Variants in TMEM132D observed in about 807,000 individuals in gnomAD.
The protein encoded by TMEM132D is transmembrane protein 132D, also known as mature OL transmembrane protein.
Under a neutral mutation model 62.3 loss-of-function variants are expected in TMEM132D, and 21 were observed. The ratio of observed to expected loss-of-function variants is 0.34; its 90% CI spans 0.24 to 0.49. The LOEUF (loss-of-function observed/expected upper bound fraction) is 0.49. TMEM132D is among the 20% of genes least tolerant of loss of function. The pLI is 0.99. For missense variants in TMEM132D, 1,346 were observed against 1,402.8 expected, an observed-to-expected ratio of 0.96 and a Z score of 0.65; for synonymous variants, 621 against 575.6, an observed-to-expected ratio of 1.08 and a Z score of -1.13.
intron 4 of TMEM132D, among the ~76,000 whole-genome samples, chr12:129,246,593 TAA>T (rs1880120641): frequency 6.6e-6 from 1 of 151,956 alleles, no homozygotes; most frequent in African/African-American, 2.4e-5. Context: ...CTGTCTCTTC[TAA>T]AAATACAAAA....
chr12:129,080,534 GAT>G (rs1178175295), intron 7 of TMEM132D, among the ~76,000 whole-genome samples: 3 of 152,304 alleles, frequency 2.0e-5, no homozygotes, highest in South Asian at 2.1e-4. Flanking sequence ...TTCCAGAATG[GAT>G]ATGTTTTAAA....
intron 4 of TMEM132D, among the ~76,000 whole-genome samples, chr12:129,261,795 T>C (rs1406063522): frequency 6.6e-6 from 1 of 152,188 alleles, no homozygotes; most frequent in East Asian, 1.9e-4. Flanking sequence ...GATTAGGGCA[T>C]GCCAGTATGA....
chr12:129,447,066 G>A (rs1873119764), intron 3 of TMEM132D, among the ~76,000 whole-genome samples: 1 of 152,154 alleles, frequency 6.6e-6, no homozygotes, highest in Non-Finnish European at 1.5e-5. Context: ...AGCAGAACCT[G>A]CCCTTCACCA....
rs1879020744 is a variant in TMEM132D, at chr12:129,619,963, TACCCTAACCACG to T, written c.968+79835_968+79846del. 2.0e-5 allele frequency among the ~76,000 whole-genome samples: 3 copies of T among 152,200 alleles called. No homozygotes were observed. In the South Asian group the frequency reaches 6.2e-4, roughly 32 times the overall value. On this transcript the variant is annotated intron_variant, in intron 2 of 8. Coordinates refer to ENST00000422113, the MANE Select transcript of TMEM132D (RefSeq NM_133448.3). ...CAGAATGAGTCCTATTAGGTTACAA[TACCCTAACCACG>T]GCCCAAAGCCACGCAGCCCAGGTCA...
chr12:129,434,872 A>G (rs1162097092), intron 3 of TMEM132D, among the ~76,000 whole-genome samples: 3 of 152,080 alleles, frequency 2.0e-5, no homozygotes, highest in Non-Finnish European at 4.4e-5. Flanking sequence ...CACTATTGTT[A>G]ACTATATCAC....
At chr12:129,600,885 T>C (rs1878465829) in intron 2 of TMEM132D, among the ~76,000 whole-genome samples, 1 of 152,154 alleles carries the variant, frequency 6.6e-6, no homozygotes, top group South Asian at 2.1e-4. Flanking sequence ...TTAAGGGCCC[T>C]AGGAATTTCA....
At chr12:129,114,585 A>G (rs143535064) in intron 5 of TMEM132D, among the ~76,000 whole-genome samples, 12 of 152,312 alleles carry the variant, frequency 7.9e-5, no homozygotes, top group African/African-American at 2.9e-4. Flanking sequence ...ATGACATTTC[A>G]TGAAGCAAAC....
In TMEM132D at chr12:129,581,371, T is replaced by C. The variant is rs191545110; in HGVS notation, c.969-50166A>G. Among the ~76,000 whole-genome samples, 80 of 152,282 alleles carry C rather than the reference T, an allele frequency of 5.3e-4. 1 individual carries two copies. The highest frequency in any genetic ancestry group is 1.1e-3 in the Non-Finnish European group (73 of 68,032). On this transcript the variant is annotated intron_variant, in intron 2 of 8. Transcript: ENST00000422113. ...GATGTATATCTGGAAGGGAGTTTAT[T>C]AAGGAGTATTGACTCATATGATCAC... is the stretch of plus-strand genomic sequence containing the variant.
intron 5 of TMEM132D, among the ~76,000 whole-genome samples, chr12:129,185,154 G>GGA (rs763261043): frequency 1.3e-5 from 2 of 152,124 alleles, no homozygotes; most frequent in African/African-American, 2.4e-5. Flanking sequence ...TCTCCCTCCA[G>GGA]GAGAGAAGAT....
chr12:129,244,101 T>C (rs1880007561), intron 4 of TMEM132D, among the ~76,000 whole-genome samples: 1 of 152,002 alleles, frequency 6.6e-6, no homozygotes, highest in Non-Finnish European at 1.5e-5. Context: ...AAAAAATTAT[T>C]CCGGCCGGGT....
At position 129,358,584 on chromosome 12, in the gene TMEM132D, C is replaced by T. The variant is rs138623952; in HGVS notation, c.1116-20767G>A. 8.3e-3 allele frequency among the ~76,000 whole-genome samples: 1,257 copies of T among 152,302 alleles called. 10 individuals are homozygous for T. The highest frequency in any genetic ancestry group is 0.013 in the Non-Finnish European group (865 of 68,026). ...CTGTCACTTTTCTAGAGCATACAGT[C>T]TGTAGGGGAGGTGGGAGGTGGACAT... On this transcript the variant is annotated intron_variant, in intron 3 of 8. Coordinates refer to ENST00000422113, the MANE Select transcript of TMEM132D (RefSeq NM_133448.3).
intron 2 of TMEM132D, among the ~76,000 whole-genome samples, chr12:129,650,319 C>T (rs1161825879): frequency 6.6e-6 from 1 of 152,158 alleles, no homozygotes; most frequent in Non-Finnish European, 1.5e-5. Context: ...CCATAGAATA[C>T]ATATGGAATG....
intron 2 of TMEM132D, among the ~76,000 whole-genome samples, chr12:129,604,471 G>T (rs1215599777): frequency 1.3e-5 from 2 of 152,146 alleles, no homozygotes; most frequent in Non-Finnish European, 2.9e-5. Flanking sequence ...CAGGTTATTT[G>T]TGGACATAAG....
intron 2 of TMEM132D, among the ~76,000 whole-genome samples, chr12:129,695,529 G>A (rs578106035): frequency 1.3e-5 from 2 of 152,318 alleles, no homozygotes; most frequent in East Asian, 3.9e-4. Flanking sequence ...CAGACCACAT[G>A]TCACTGGACA....
chr12:129,282,755 T>C (rs1417117259), intron 4 of TMEM132D, among the ~76,000 whole-genome samples: 1 of 152,180 alleles, frequency 6.6e-6, no homozygotes, highest in Non-Finnish European at 1.5e-5. Flanking sequence ...ATGACGGTTG[T>C]ACCCAGGAGA....
chr12:129,799,360 GTGTGTATATA>G (rs1871673672), intron 1 of TMEM132D, among the ~76,000 whole-genome samples: 2 of 96,744 alleles, frequency 2.1e-5, no homozygotes, highest in South Asian at 3.8e-4. Flanking sequence ...ATATGTGTGT[GTGTGTATATA>G]TGTGTATATA....
chr12:129,576,515 CAT>C (rs1391564627), intron 2 of TMEM132D, among the ~76,000 whole-genome samples: 5 of 151,570 alleles, frequency 3.3e-5, no homozygotes, highest in African/African-American at 7.3e-5. Flanking sequence ...AATATATACA[CAT>C]ATATGTGTAC....
intron 3 of TMEM132D, among the ~76,000 whole-genome samples, chr12:129,442,725 A>AC (rs1200772899): frequency 6.6e-6 from 1 of 152,168 alleles, no homozygotes; most frequent in Non-Finnish European, 1.5e-5. Context: ...GCCCAGCCTC[A>AC]TGTAAGTCAT....
At chr12:129,334,194 G>T (rs1869203687) in intron 4 of TMEM132D, among the ~76,000 whole-genome samples, 1 of 152,140 alleles carries the variant, frequency 6.6e-6, no homozygotes, top group African/African-American at 2.4e-5. Context: ...AATAATGTTT[G>T]CCAAACTGCC....
Sources: allele counts gnomAD v4.1 joint callset (sites outside exome capture counted in the v4.1 genomes callset), GRCh38; gene constraint gnomAD v4.1.1; transcripts MANE v1.5; gene names NCBI Gene and HGNC (gene_info 2026-07-23, HGNC 2026-07-21).